HIF3A: variants seen among roughly 807,000 people sequenced by gnomAD.
HIF3A encodes the protein hypoxia inducible factor 3 subunit alpha, also known as hypoxia-inducible factor 3-alpha.
HIF3A carries 41 observed loss-of-function variants against 67.2 expected under a neutral mutation model. The observed-to-expected ratio is 0.61, with a 90% CI of 0.48 to 0.79. The LOEUF is 0.79. HIF3A is among the 30% of genes least tolerant of loss of function. The probability of loss-of-function intolerance (pLI) is 0.00; values close to 1 mark genes in which losing one functional copy is unlikely to be tolerated. For missense variants in HIF3A, 855 were observed against 898.0 expected, an observed-to-expected ratio of 0.95 and a Z score of 0.61; for synonymous variants, 356 against 374.8, an observed-to-expected ratio of 0.95 and a Z score of 0.58.
chr19:46,308,793 A>G lies in HIF3A; in HGVS notation c.561+18A>G. 1 of 1,527,836 alleles carries G rather than the reference A, an allele frequency of 6.5e-7. No homozygotes were observed. Among genetic ancestry groups the G allele is most frequent in the Non-Finnish European group, 9.0e-7 (1 of 1,114,702 alleles). The allele number at this position is 1,527,836 out of a possible 1,614,324, so 94.6% of individuals were successfully genotyped here. ...CCTGGAAGGTGCGTGGGGCCGGGCC[A>G]GAGGAGGGCGGGGACGCTGGGGCTG... is the stretch of plus-strand genomic sequence containing the variant. On this transcript the variant is annotated intron_variant, in intron 5 of 14. Coordinates refer to ENST00000377670, the MANE Select transcript of HIF3A (RefSeq NM_152795.4).
At chr19:46,305,127 G>A in intron 2 of HIF3A, 118 bp from the exon 3 acceptor site, 2 of 1,419,462 alleles carry the variant, frequency 1.4e-6, no homozygotes, top group Non-Finnish European at 2.0e-6. Flanking sequence ...CACTTCCTTG[G>A]GGGTGCATGT....
chr19:46,332,463 C>G lies in HIF3A; in HGVS notation c.1830+1190C>G, dbSNP rs773821032. Among the ~76,000 whole-genome samples the G allele has an allele frequency of 7.2e-5, 11 of 152,280 alleles. No individual in the cohort carries two copies. The South Asian group carries it at 1.7e-3, about 23-fold the overall frequency. ...GCTGCGGTGAAAGCATCACCCGAGC[C>G]TGGGAGGTCAAGGCTGTAGTGAGCC... On this transcript the variant is annotated intron_variant, in intron 13 of 14. Transcript: ENST00000377670.
rs191727786 is a variant in HIF3A at position 46,313,070 on chromosome 19, C to G, written c.1025+417C>G. ...TTCGAAACCAGCCTGGGCAACATGACGAAATGCTGTTTCTACTAATAATAC... is the reference window on the plus strand; with the variant it reads ...TTCGAAACCAGCCTGGGCAACATGAGGAAATGCTGTTTCTACTAATAATAC... On this transcript the variant is annotated intron_variant, in intron 8 of 14. Coordinates refer to ENST00000377670, the MANE Select transcript of HIF3A (RefSeq NM_152795.4). The G allele has an allele frequency of 5.0e-6, 4 of 801,772 alleles. No individual in the cohort carries two copies. In the Admixed American group the frequency reaches 1.9e-4, roughly 38 times the overall value. The allele number at this position is 801,772 out of a possible 1,614,324, so 49.7% of individuals were successfully genotyped here.
At chr19:46,306,140 A>G (rs917615418) in intron 3 of HIF3A, among the ~76,000 whole-genome samples, 6 of 152,212 alleles carry the variant, frequency 3.9e-5, no homozygotes, top group Admixed American at 2.6e-4. Flanking sequence ...GCAATAGGAG[A>G]AGCTGAGAGA....
At chr19:46,313,166 A>C (rs1381213836) in intron 8 of HIF3A, 8 of 559,496 alleles carry the variant, frequency 1.4e-5, no homozygotes, top group Non-Finnish European at 1.8e-5. Flanking sequence ...CACGAGAATC[A>C]TTAGAACCCA....
rs1469113198 is a variant in HIF3A at position 46,322,265 on chromosome 19, G to C, written c.1335+299G>C. Among the ~76,000 whole-genome samples the C allele has an allele frequency of 4.0e-5, 6 of 151,888 alleles. No homozygotes were observed. In the East Asian group the frequency reaches 1.2e-3, roughly 29 times the overall value. ...AAGAAGACTTCTGTGACCAAATGTG[G>C]GCAGTTTTTCCCACACACCAAGCAG... On this transcript the variant is annotated intron_variant, in intron 10 of 14. Coordinates refer to ENST00000377670, the MANE Select transcript of HIF3A (RefSeq NM_152795.4).
intron 1 of HIF3A, among the ~76,000 whole-genome samples, chr19:46,299,402 T>A (rs111701941): frequency 5.9e-5 from 9 of 152,174 alleles, no homozygotes; most frequent in Non-Finnish European, 1.2e-4. Context: ...TGACTGCCGC[T>A]CTGAGCCTCA....
rs1482141071 is a variant in HIF3A at position 46,321,946 on chromosome 19, C to T, written c.1315C>T (p.His439Tyr). 1.2e-5 allele frequency: 19 copies of T among 1,613,936 alleles called. No homozygotes were observed. Among genetic ancestry groups the T allele is most frequent in the Non-Finnish European group, 1.6e-5 (19 of 1,179,982 alleles). The part of the protein sequence containing the change: ...ATPSTPLATR[H>Y]PQSPLSADLP... ...TCCCAGCACCCCGCTGGCCACACGGCACCCCCAAAGTCCTCTTTCGGTAAG... is the reference window on the plus strand; with the variant it reads ...TCCCAGCACCCCGCTGGCCACACGGTACCCCCAAAGTCCTCTTTCGGTAAG... The change falls in exon 10 of 15, where the codon CAC becomes TAC. Residue 439 changes from histidine to tyrosine, a missense_variant. This residue lies in a region of HIF3A where 638 missense variants were observed against 660.5 expected (regional missense o/e 0.97). Transcript: ENST00000377670.
rs758856143 is a variant in HIF3A, at chr19:46,321,824, G to A, written c.1193G>A (p.Ser398Asn). Reference protein sequence around the residue: ...ILAFLHPPSLSEAALAADPRR... With the variant: ...ILAFLHPPSLNEAALAADPRR... Reference sequence around the variant, plus strand: ...GCCTTCCTGCACCCGCCTTCCCTGAGCGAGGCTGCCCTGGCCGCTGACCCC... The same window carrying A: ...GCCTTCCTGCACCCGCCTTCCCTGAACGAGGCTGCCCTGGCCGCTGACCCC... The change falls in exon 10 of 15, where the codon AGC (serine) becomes AAC (asparagine). Residue 398 changes from serine (S) to asparagine (N), a missense_variant. This residue lies in a region of HIF3A where 638 missense variants were observed against 660.5 expected (regional missense o/e 0.97). Transcript: ENST00000377670. 1 of 1,613,862 alleles carries A rather than the reference G, an allele frequency of 6.2e-7. No individual in the cohort carries two copies. Among genetic ancestry groups the A allele is most frequent in the Admixed American group, 1.7e-5 (1 of 60,016 alleles).
chr19:46,304,070 C>T lies in HIF3A; in HGVS notation c.199C>T (p.His67Tyr), dbSNP rs1291581057. Reference protein sequence around the residue: ...MRLTISYLRMHRLCAAGEWNQ... With the variant: ...MRLTISYLRMYRLCAAGEWNQ... The stretch of plus-strand genomic sequence containing the variant: ...CCTCACCATCAGCTACCTGCGCATG[C>T]ACCGCCTCTGCGCCGCAGGTGAGCC... Residue 67 changes from histidine (H) to tyrosine (Y), a missense_variant, in exon 2 of 15, where the codon CAC becomes TAC. Physicochemically the swap from His to Tyr is moderately conservative, Grantham distance 83 (BLOSUM62 2). This residue lies in a region of HIF3A where 638 missense variants were observed against 660.5 expected (regional missense o/e 0.97). Transcript: ENST00000377670. 3.8e-6 allele frequency: 6 copies of T among 1,574,134 alleles called. No individual in the cohort carries two copies. Among genetic ancestry groups the T allele is most frequent in the Middle Eastern group, 1.9e-4 (1 of 5,290 alleles).
chr19:46,317,302 G>A (rs1437521580), intron 8 of HIF3A, among the ~76,000 whole-genome samples: 6 of 152,002 alleles, frequency 3.9e-5, no homozygotes, highest in Admixed American at 6.6e-5. Flanking sequence ...TGACCCTCCC[G>A]CCTCAGCCTC....
chr19:46,321,743 C>T (rs763578536), intron 9 of HIF3A, 33 bp from the exon 10 acceptor site: 3 of 1,595,532 alleles, frequency 1.9e-6, no homozygotes, highest in East Asian at 4.5e-5. Flanking sequence ...CAGTCACCAG[C>T]CCGTGTCCTC....
intron 8 of HIF3A, chr19:46,312,936 T>C (rs2147180931): frequency 1.9e-6 from 2 of 1,078,458 alleles, no homozygotes; most frequent in African/African-American, 3.4e-5. Flanking sequence ...TTAAGTGGAT[T>C]GTTAATTCAA....
At chr19:46,317,650 A>T (rs1000343132) in intron 8 of HIF3A, among the ~76,000 whole-genome samples, 3 of 151,894 alleles carry the variant, frequency 2.0e-5, no homozygotes, top group Non-Finnish European at 2.9e-5. Context: ...GAGCCCCTAC[A>T]TGAGCTCAGG....
At chr19:46,308,617 G>A (rs776518731) in intron 4 of HIF3A, 46 bp from the exon 5 acceptor site, 9 of 1,196,356 alleles carry the variant, frequency 7.5e-6, no homozygotes, top group Non-Finnish European at 9.6e-6. Flanking sequence ...CACTGGGCCT[G>A]TGTGTAGCTG....
chr19:46,320,445 A>T lies in HIF3A; in HGVS notation c.1028A>T (p.Gln343Leu). 6.2e-7 allele frequency: 1 copy of T among 1,613,084 alleles called. No homozygotes were observed. Among genetic ancestry groups the T allele is most frequent in the South Asian group, 1.1e-5 (1 of 91,050 alleles). Residue 343 changes from glutamine to leucine, a missense_variant and splice_region_variant, in exon 9 of 15, where the codon CAG (glutamine) becomes CTG (leucine). By Grantham distance (113) the Gln-to-Leu change is moderately radical. Transcript: ENST00000377670. ...TCCCTTTCTGCCTTGTACCCCAGCC[A>T]GGTGGAAGAGACCGGAGTGGTGCTG... is the stretch of plus-strand genomic sequence containing the variant. Reference protein sequence around the residue: ...SIVCVHFLISQVEETGVVLSL... With the variant: ...SIVCVHFLISLVEETGVVLSL...
At chr19:46,299,400 G>A (rs1020682295) in intron 1 of HIF3A, among the ~76,000 whole-genome samples, 8 of 152,308 alleles carry the variant, frequency 5.3e-5, no homozygotes, top group Non-Finnish European at 1.2e-4. Flanking sequence ...AGTGACTGCC[G>A]CTCTGAGCCT....
At chr19:46,332,911 G>C (rs1263816906) in intron 13 of HIF3A, among the ~76,000 whole-genome samples, 2 of 151,726 alleles carry the variant, frequency 1.3e-5, no homozygotes, top group African/African-American at 4.8e-5. Flanking sequence ...GAACTCTGGA[G>C]GCAGAGGTTG....
chr19:46,300,072 A>G (rs1403449370), intron 1 of HIF3A, among the ~76,000 whole-genome samples: 1 of 152,160 alleles, frequency 6.6e-6, no homozygotes, highest in Non-Finnish European at 1.5e-5. Context: ...CATTGCTCCA[A>G]ATCTCAGTTT....
Sources: allele counts gnomAD v4.1 joint callset (sites outside exome capture counted in the v4.1 genomes callset), GRCh38; gene constraint gnomAD v4.1.1; regional missense constraint gnomAD v4.1.1; transcripts MANE v1.5; gene names NCBI Gene and HGNC (gene_info 2026-07-23, HGNC 2026-07-21).